PLK4: variants seen among roughly 807,000 people sequenced by gnomAD.
PLK4 encodes the protein serine/threonine-protein kinase PLK4.
In PLK4, 51 loss-of-function variants were observed where a neutral mutation model predicts 103.0. The observed-to-expected ratio is 0.50, with a 90% CI of 0.40 to 0.63. PLK4 has a LOEUF of 0.63. Among genes scored for constraint, PLK4 ranks in the 20% least tolerant of loss-of-function variants. The pLI is 0.00. For synonymous variants in PLK4, 389 were observed against 376.8 expected (o/e 1.03, Z -0.38); for missense variants, 1,054 against 1,151.0 (o/e 0.92, Z 1.22).
chr4:127,881,309 C>T, intron 1 of PLK4, 145 bp downstream of exon 1: 1 of 1,520,666 alleles, frequency 6.6e-7, no homozygotes, highest in South Asian at 1.2e-5. Flanking sequence ...GGCCCAGACC[C>T]CTGCTGTTTA....
chr4:127,886,189 T>C lies in PLK4; in HGVS notation c.819T>C (p.Ser273=). The part of the protein sequence containing the change: ...PFMSRNSSTK[S]KDLGTVEDSI... ...TGTCCCGAAATTCTTCAACAAAAAG[T>C]AAAGATTTAGGAACTGTGGAAGACT... The change falls in exon 5 of 16, where the codon AGT becomes AGC. Residue 273 remains serine, a synonymous_variant. Transcript: ENST00000270861. 6.2e-7 allele frequency: 1 copy of C among 1,613,996 alleles called. No individual in the cohort carries two copies. Among genetic ancestry groups the C allele is most frequent in the South Asian group, 1.1e-5 (1 of 91,046 alleles).
At chr4:127,883,129 A>G (rs1157114023) in intron 2 of PLK4, 133 bp from the exon 3 acceptor site, 1 of 570,088 alleles carries the variant, frequency 1.8e-6, no homozygotes, top group Non-Finnish European at 3.1e-6. Context: ...TGGGGAAAAC[A>G]GATAACAGTA....
Position 127,893,437 on chromosome 4 carries a change from GT to G in PLK4, c.2322+24del. ...TAATGAGGTACATACCTAATTGTAG[GT>G]TTTTCATACCAATTAATAATGATTG... is the stretch of plus-strand genomic sequence containing the variant. On this transcript the variant is annotated intron_variant, in intron 11 of 15. Transcript: ENST00000270861. The G allele has an allele frequency of 1.9e-6, 3 of 1,601,770 alleles. No homozygotes were observed. Among genetic ancestry groups the G allele is most frequent in the Middle Eastern group, 1.7e-4 (1 of 5,976 alleles).
chr4:127,888,374 A>G (rs1393097358), intron 6 of PLK4, among the ~76,000 whole-genome samples: 1 of 152,100 alleles, frequency 6.6e-6, no homozygotes, highest in African/African-American at 2.4e-5. Flanking sequence ...CTGGGTACAC[A>G]GAGCTTAATT....
intron 13 of PLK4, among the ~76,000 whole-genome samples, chr4:127,894,513 C>T (rs923663143): frequency 1.3e-5 from 2 of 152,186 alleles, no homozygotes; most frequent in Non-Finnish European, 2.9e-5. Context: ...CAGGCGTGAG[C>T]CACCACGCCT....
rs1225379902 is a variant in PLK4, at chr4:127,886,841, A to AC, written c.1358+113_1358+114insC. 4.8e-6 allele frequency: 3 copies of AC among 625,988 alleles called. No individual in the cohort carries two copies. The East Asian group carries it at 8.4e-5, about 18-fold the overall frequency. The allele number at this position is 625,988 out of a possible 1,614,324, so 38.8% of individuals were successfully genotyped here. A position where few individuals can be genotyped will look rare whatever the true frequency, so the allele number is the denominator to read the frequency against. Reference sequence around the variant, plus strand: ...AGGGAAATGAATGTCTAAAAAAAAAAACCACTGTCATGATTTTGACCTGTG... The same window carrying AC: ...AGGGAAATGAATGTCTAAAAAAAAAACACCACTGTCATGATTTTGACCTGTG... On this transcript the variant is annotated intron_variant, in intron 5 of 15. Coordinates refer to ENST00000270861, the MANE Select transcript of PLK4 (RefSeq NM_014264.5).
rs1357328338 is a variant in PLK4 at position 127,890,856 on chromosome 4, C to G, written c.1831-236C>G. On this transcript the variant is annotated intron_variant, in intron 7 of 15. Coordinates refer to ENST00000270861, the MANE Select transcript of PLK4 (RefSeq NM_014264.5). The stretch of plus-strand genomic sequence containing the variant: ...TATTCTCCACTCTACCTTCTGTTTG[C>G]TTTCTGCTCATTGATTATCACTTCA... 10 of 318,370 alleles carry G rather than the reference C, an allele frequency of 3.1e-5. No individual in the cohort carries two copies. The East Asian group carries it at 4.7e-4, about 15-fold the overall frequency. 19.7% of individuals were successfully genotyped at this position (318,370 alleles called of 1,614,324 possible).
Position 127,893,295 on chromosome 4 carries a change from A to G in PLK4, c.2199A>G (p.Ile733Met), listed in dbSNP as rs760336111. The G allele has an allele frequency of 6.4e-6, 10 of 1,571,766 alleles. No homozygotes were observed. Among genetic ancestry groups the G allele is most frequent in the Non-Finnish European group, 8.6e-6 (10 of 1,158,688 alleles). ...FEVWFYDGVK[I>M]HKTEDFIQVI... is the part of the protein sequence containing the mutation. ...ATTTTTTTTTTTTAGGGGTAAAAAT[A>G]CACAAAACAGAAGATTTCATTCAGG... The change falls in exon 11 of 16, where the codon ATA (isoleucine) becomes ATG (methionine). Residue 733 changes from isoleucine to methionine, a missense_variant. Physicochemically the swap from Ile to Met is conservative, Grantham distance 10. Around this residue, in one of 4 missense-constraint regions of PLK4, gnomAD observed 680 missense variants for 660.3 expected, o/e 1.03. Coordinates refer to ENST00000270861, the MANE Select transcript of PLK4 (RefSeq NM_014264.5).
rs745895695 is a variant in PLK4, at chr4:127,881,088, T to A, written c.-47T>A. ...GCTTGGAGCGCTGCCTCGAAGGGAC[T>A]GCGTGAAGGAAGCTAATCCGGAGAA... On this transcript the variant is annotated 5_prime_UTR_variant, in exon 1 of 16. Coordinates refer to ENST00000270861, the MANE Select transcript of PLK4 (RefSeq NM_014264.5). 1.2e-6 allele frequency: 2 copies of A among 1,610,062 alleles called. No homozygotes were observed. The highest frequency in any genetic ancestry group is 1.7e-6 in the Non-Finnish European group (2 of 1,176,800).
rs1019521997 is a variant in PLK4, at chr4:127,899,154, TGAG to T, written c.*617_*619del. On this transcript the variant is annotated 3_prime_UTR_variant, in exon 16 of 16. Coordinates refer to ENST00000270861, the MANE Select transcript of PLK4 (RefSeq NM_014264.5). ...TCACTTTTTAAATTTTGTTGCCTGTTGAGGAGCCAATTAAATTTTAAATATTAA... is the reference window on the plus strand; with the variant it reads ...TCACTTTTTAAATTTTGTTGCCTGTTGAGCCAATTAAATTTTAAATATTAA... 3.3e-5 allele frequency: 5 copies of T among 152,232 alleles called. No homozygotes were observed. Among genetic ancestry groups the T allele is most frequent in the African/African-American group, 4.8e-5 (2 of 41,470 alleles). 9.4% of individuals were successfully genotyped at this position (152,232 alleles called of 1,614,324 possible).
chr4:127,893,957 T>C (rs1735465652), intron 13 of PLK4, 76 bp downstream of exon 13: 2 of 827,184 alleles, frequency 2.4e-6, no homozygotes, highest in South Asian at 3.2e-5. Flanking sequence ...AAATAGTTTA[T>C]TGTGGCTTTA....
At position 127,889,868 on chromosome 4, in the gene PLK4, C is replaced by G. The variant is rs771814021; in HGVS notation, c.1462C>G (p.His488Asp). ...GCTTCATTCTATGTATATTGTAGCTCATTTAAGAAAAACTACTGAATATGA... is the reference window on the plus strand; with the variant it reads ...GCTTCATTCTATGTATATTGTAGCTGATTTAAGAAAAACTACTGAATATGA... ...QWFGNLQINA[H>D]LRKTTEYDSI... The change falls in exon 7 of 16, where the codon CAT becomes GAT. Residue 488 changes from histidine to aspartate, a missense_variant and splice_region_variant. His to Asp is a moderately conservative substitution (Grantham distance 81, BLOSUM62 -1). Coordinates refer to ENST00000270861, the MANE Select transcript of PLK4 (RefSeq NM_014264.5). 30 of 1,581,108 alleles carry G rather than the reference C, an allele frequency of 1.9e-5. No individual in the cohort carries two copies. The highest frequency in any genetic ancestry group is 2.5e-5 in the Non-Finnish European group (29 of 1,166,286).
Position 127,881,120 on chromosome 4 carries a change from C to T in PLK4, c.-15C>T, listed in dbSNP as rs1175616335. 4 of 1,613,786 alleles carry T rather than the reference C, an allele frequency of 2.5e-6. No individual in the cohort carries two copies. In the African/African-American group the frequency reaches 4.0e-5, roughly 16 times the overall value. ...AGGAAGCTAATCCGGAGAACCCAGG[C>T]CAGAGCCTGGAAATATGGCGACCTG... On this transcript the variant is annotated 5_prime_UTR_variant, in exon 1 of 16. Transcript: ENST00000270861.
intron 14 of PLK4, among the ~76,000 whole-genome samples, chr4:127,896,206 A>T (rs1735560104): frequency 6.6e-6 from 1 of 152,170 alleles, no homozygotes; most frequent in African/African-American, 2.4e-5. Context: ...ATGGTAGATT[A>T]ACTTGCACAA....
chr4:127,883,688 G>A (rs1735016280), intron 4 of PLK4, 135 bp downstream of exon 4: 2 of 480,874 alleles, frequency 4.2e-6, no homozygotes, highest in Non-Finnish European at 7.4e-6. Context: ...GCTAGAAAAG[G>A]AGATTTCCTA....
intron 14 of PLK4, among the ~76,000 whole-genome samples, chr4:127,895,612 G>A (rs1480073193): frequency 3.3e-5 from 5 of 151,408 alleles, no homozygotes; most frequent in Non-Finnish European, 7.4e-5. Flanking sequence ...TAGTAGAGAC[G>A]GGGTTTCACC....
At chr4:127,894,526 C>T (rs541959379) in intron 13 of PLK4, among the ~76,000 whole-genome samples, 44 of 152,274 alleles carry the variant, frequency 2.9e-4, no homozygotes, top group Non-Finnish European at 2.9e-4. Context: ...CCACGCCTGG[C>T]TAGTTGTTTT....
chr4:127,881,264 G>A, intron 1 of PLK4, 100 bp downstream of exon 1: 1 of 1,587,852 alleles, frequency 6.3e-7, no homozygotes, highest in Non-Finnish European at 8.6e-7. Flanking sequence ...AACGGCTGCG[G>A]GGCGGGCACC....
intron 13 of PLK4, 28 bp downstream of exon 13, chr4:127,893,909 T>C (rs1356094380): frequency 8.5e-7 from 1 of 1,176,922 alleles, no homozygotes; most frequent in Admixed American, 1.8e-5. Flanking sequence ...ACTTCTGTAC[T>C]TTAAACCTTT....
Sources: gnomAD v4.1 joint callset for allele counts (sites outside exome capture counted in the v4.1 genomes callset) on GRCh38, gnomAD v4.1.1 for gene constraint, gnomAD v4.1.1 regional missense constraint, MANE v1.5 for transcripts, NCBI Gene and HGNC (gene_info 2026-07-23, HGNC 2026-07-21) for gene names.